The following SKIC8 variants were observed in gnomAD, a reference collection of about 807,000 sequenced individuals.
SKIC8 encodes the protein SKI8 subunit of superkiller complex.
the SKIC8 span, chr15:78,285,240 G>A: frequency 1.9e-5 from 31 of 1,611,702 alleles, no homozygotes; most frequent in Non-Finnish European, 2.5e-5. Context: ...ACTATCTAAA[G>A]ATGAAATAAT....
chr15:78,283,616 C>T, the SKIC8 span: 4 of 968,676 alleles, frequency 4.1e-6, no homozygotes, highest in African/African-American at 1.6e-5. Context: ...TCTGAATCTA[C>T]CAAAACTGAG....
the SKIC8 span, among the ~76,000 whole-genome samples, chr15:78,287,464 C>A: frequency 6.6e-6 from 1 of 152,168 alleles, no homozygotes; most frequent in Non-Finnish European, 1.5e-5. Flanking sequence ...TATCACAGGC[C>A]CCTGAAAGGA....
At chr15:78,299,029 A>C in the SKIC8 span, among the ~76,000 whole-genome samples, 1 of 152,160 alleles carries the variant, frequency 6.6e-6, no homozygotes, top group Non-Finnish European at 1.5e-5. Context: ...CTTTTCCCTA[A>C]ATTTCCTAGG....
At chr15:78,289,437 C>CA in the SKIC8 span, among the ~76,000 whole-genome samples, 2 of 151,584 alleles carry the variant, frequency 1.3e-5, no homozygotes, top group African/African-American at 2.4e-5. Flanking sequence ...AACAAAAAAA[C>CA]AAAAAAACAA....
the SKIC8 span, chr15:78,292,839 C>G: frequency 6.3e-7 from 1 of 1,599,354 alleles, no homozygotes; most frequent in Admixed American, 1.7e-5. Flanking sequence ...CACACTTTAC[C>G]TGGCATCTGA....
At chr15:78,283,733 A>G in the SKIC8 span, 1 of 305,862 alleles carries the variant, frequency 3.3e-6, no homozygotes, top group East Asian at 5.1e-5. Flanking sequence ...CATACTCCAA[A>G]AAAAAAAAAA....
the SKIC8 span, chr15:78,283,747 ATCATTTTT>A: frequency 2.4e-6 from 1 of 412,406 alleles, no homozygotes; most frequent in Non-Finnish European, 4.3e-6. Flanking sequence ...AAAAAAAAAA[ATCATTTTT>A]AAATACAGTA....
chr15:78,288,399 C>T, the SKIC8 span: 1 of 1,612,632 alleles, frequency 6.2e-7, no homozygotes, highest in Non-Finnish European at 8.5e-7. Context: ...TTCATAAAGG[C>T]CCTTGTTAAT....
the SKIC8 span, among the ~76,000 whole-genome samples, chr15:78,288,035 A>G: frequency 6.6e-6 from 1 of 152,152 alleles, no homozygotes; most frequent in Non-Finnish European, 1.5e-5. Flanking sequence ...TAAGCTCACA[A>G]AAATCAGGCT....
At chr15:78,287,634 C>T in the SKIC8 span, among the ~76,000 whole-genome samples, 1 of 152,008 alleles carries the variant, frequency 6.6e-6, no homozygotes, top group Non-Finnish European at 1.5e-5. Context: ...ACCATAGCAC[C>T]GAGTCATAGT....
chr15:78,295,401 CTTT>C, the SKIC8 span: 13,433 of 390,554 alleles, frequency 0.034, no homozygotes, highest in Non-Finnish European at 0.038. Context: ...CTATTCTGAT[CTTT>C]TTTTTTTTTT....
the SKIC8 span, chr15:78,293,211 T>A: frequency 6.2e-7 from 1 of 1,614,192 alleles, no homozygotes; most frequent in Non-Finnish European, 8.5e-7. Context: ...CTGTGACCAC[T>A]GTCTCAGAGT....
the SKIC8 span, chr15:78,285,025 C>T: frequency 2.0e-6 from 1 of 505,106 alleles, no homozygotes; most frequent in Non-Finnish European, 3.6e-6. Context: ...CCATGTTTTC[C>T]AGCCTATGTG....
At chr15:78,296,529 G>A in the SKIC8 span, among the ~76,000 whole-genome samples, 17 of 149,718 alleles carry the variant, frequency 1.1e-4, no homozygotes, top group Non-Finnish European at 1.9e-4. Flanking sequence ...TTTTTTTTTC[G>A]AGATAGGGTC....
chr15:78,292,582 C>T, the SKIC8 span: 2 of 1,613,518 alleles, frequency 1.2e-6, no homozygotes, highest in Non-Finnish European at 1.7e-6. Context: ...AAATCATGAA[C>T]CTCTATTATC....
chr15:78,289,503 A>G, the SKIC8 span: 1 of 765,806 alleles, frequency 1.3e-6, no homozygotes, highest in Non-Finnish European at 2.2e-6. Context: ...TCCAATTGAG[A>G]TTGATATTTT....
the SKIC8 span, chr15:78,299,476 G>C: frequency 6.5e-6 from 1 of 152,828 alleles, no homozygotes; most frequent in East Asian, 1.9e-4. Context: ...GCAGCCTCGG[G>C]CCCAACCTCG....
At chr15:78,289,888 G>C in the SKIC8 span, 1 of 1,585,146 alleles carries the variant, frequency 6.3e-7, no homozygotes, top group Admixed American at 1.7e-5. Flanking sequence ...GGCAAGGACT[G>C]CAACAGGCTG....
chr15:78,295,246 T>C, the SKIC8 span: 1 of 557,338 alleles, frequency 1.8e-6, no homozygotes, highest in Non-Finnish European at 3.2e-6. Context: ...TATGTTTTCT[T>C]TTTCTGTTCT....
Sources: allele counts gnomAD v4.1 joint callset (sites outside exome capture counted in the v4.1 genomes callset), GRCh38; gene constraint gnomAD v4.1.1; transcripts MANE v1.5; gene names NCBI Gene and HGNC (gene_info 2026-07-23, HGNC 2026-07-21).